Variants in UNC93A observed in about 807,000 individuals in gnomAD.
UNC93A encodes N-acetylglucosamine transporter UNC93A.
Under a neutral mutation model 47.5 loss-of-function variants are expected in UNC93A, and 43 were observed. The ratio of observed to expected loss-of-function variants is 0.91; its 90% CI spans 0.71 to 1.17. UNC93A has a LOEUF of 1.17. UNC93A is among the 50% of genes most tolerant of loss of function. The probability of loss-of-function intolerance (pLI) is 0.00; values close to 1 mark genes in which losing one functional copy is unlikely to be tolerated. For synonymous variants in UNC93A, 280 were observed against 258.0 expected (o/e 1.09, Z -0.82); for missense variants, 605 against 577.6 (o/e 1.05, Z -0.49).
rs973184526 is a variant in UNC93A, at chr6:167,275,095, C to T, written c.-52+3637C>T. Among the ~76,000 whole-genome samples, 16 of 152,150 alleles carry T rather than the reference C, an allele frequency of 1.1e-4. 1 individual carries two copies. Among genetic ancestry groups the T allele is most frequent in the African/African-American group, 3.9e-4 (16 of 41,396 alleles). ...GGGGCCTCCTTCCATAGGAGCTGAC[C>T]GTGGCATCTGTGTTTTCAGGTGTCT... On this transcript the variant is annotated intron_variant, in intron 1 of 3. Coordinates refer to the UNC93A transcript ENST00000503433.
chr6:167,269,827 G>T (rs933554022), upstream of UNC93A, among the ~76,000 whole-genome samples: 10 of 152,128 alleles, frequency 6.6e-5, no homozygotes, highest in East Asian at 1.9e-3. Context: ...GTGTTGGCCA[G>T]GATGGTCTCT....
Position 167,274,791 on chromosome 6 carries a change from C to T in UNC93A, c.-52+3333C>T, listed in dbSNP as rs74888708. ...CTTCCATGCCCTGCACAGAGACTAG[C>T]GAGTAATGAAGTAATAATACAGAGT... On this transcript the variant is annotated intron_variant, in intron 1 of 3. Coordinates refer to the UNC93A transcript ENST00000503433. 2.4e-3 allele frequency among the ~76,000 whole-genome samples: 362 copies of T among 152,228 alleles called. 3 individuals are homozygous for T. Among genetic ancestry groups the T allele is most frequent in the African/African-American group, 8.2e-3 (341 of 41,508 alleles).
intron 1 of UNC93A, among the ~76,000 whole-genome samples, chr6:167,277,420 CT>C (rs1298322130): frequency 6.6e-6 from 1 of 152,188 alleles, no homozygotes; most frequent in African/African-American, 2.4e-5. Flanking sequence ...GGTGTCCTGG[CT>C]TTTGCTGCAG....
intron 2 of UNC93A, among the ~76,000 whole-genome samples, chr6:167,295,645 C>CTCCTCGCCTCCCTCGTGA (rs1554239164): frequency 0.032 from 1,583 of 49,760 alleles, 262 homozygotes; most frequent in Non-Finnish European, 0.047. Context: ...CTGCCTCGTG[C>CTCCTCGCCTCCCTCGTGA]TCCTCGCCTC....
intron 1 of UNC93A, among the ~76,000 whole-genome samples, chr6:167,285,758 C>A (rs956796917): frequency 1.3e-5 from 2 of 151,634 alleles, no homozygotes; most frequent in Non-Finnish European, 2.9e-5. Context: ...GCTTACCTTA[C>A]AGAGTTCTTT....
chr6:167,278,550 A>G (rs1405992835), intron 1 of UNC93A, among the ~76,000 whole-genome samples: 3 of 152,236 alleles, frequency 2.0e-5, no homozygotes, highest in Non-Finnish European at 4.4e-5. Context: ...TGATTATAAA[A>G]TCCATACAGT....
chr6:167,295,506 C>T (rs1480023307), intron 2 of UNC93A, among the ~76,000 whole-genome samples: 14 of 92,876 alleles, frequency 1.5e-4, no homozygotes, highest in East Asian at 8.5e-4. Context: ...TCGTGATCCT[C>T]GCCTGCCTCG....
intron 4 of UNC93A, among the ~76,000 whole-genome samples, chr6:167,299,904 C>T (rs986800257): frequency 2.0e-5 from 3 of 152,174 alleles, no homozygotes; most frequent in Non-Finnish European, 2.9e-5. Context: ...TCTTGACAGA[C>T]CCCATGCCAG....
At chr6:167,311,503 C>G (rs1168113876) in intron 7 of UNC93A, among the ~76,000 whole-genome samples, 3 of 152,242 alleles carry the variant, frequency 2.0e-5, no homozygotes, top group Non-Finnish European at 4.4e-5. Flanking sequence ...CGCCAATGCG[C>G]TGCCATGAAG....
At chr6:167,293,809 G>A (rs1409122653) in intron 1 of UNC93A, among the ~76,000 whole-genome samples, 3 of 152,142 alleles carry the variant, frequency 2.0e-5, no homozygotes, top group Non-Finnish European at 4.4e-5. Flanking sequence ...CACCCTTTCT[G>A]GCTGCAGGCC....
intron 4 of UNC93A, among the ~76,000 whole-genome samples, chr6:167,299,117 CAA>C (rs35271042): frequency 6.6e-5 from 6 of 90,532 alleles, no homozygotes; most frequent in Non-Finnish European, 6.7e-5. Context: ...GACTCCATCT[CAA>C]AAAAAAAAAA....
rs753909807 is a variant in UNC93A at position 167,303,978 on chromosome 6, C to T, written c.685C>T (p.Gln229Ter). Residue 229 changes from glutamine to a stop codon, truncating the protein, a stop_gained, in exon 5 of 8, where the codon CAG (glutamine) becomes TAG (stop). Coordinates refer to ENST00000230256, the MANE Select transcript of UNC93A (RefSeq NM_018974.4). LOFTEE classifies it high-confidence loss of function. ...AAFLQPIRDV[Q>*]RESEGEKKSV... is the part of the protein sequence containing the mutation. ...GTTCCTCCAACCCATACGAGATGTT[C>T]AGCGGGAAAGTGAAGGAGAGAAGAA... is the stretch of plus-strand genomic sequence containing the variant. 2.5e-6 allele frequency: 4 copies of T among 1,613,536 alleles called. No individual in the cohort carries two copies. Among genetic ancestry groups the T allele is most frequent in the Non-Finnish European group, 3.4e-6 (4 of 1,179,978 alleles).
intron 1 of UNC93A, 56 bp from the exon 2 acceptor site, chr6:167,294,461 G>T: frequency 6.3e-7 from 1 of 1,587,128 alleles, no homozygotes; most frequent in Non-Finnish European, 8.6e-7. Flanking sequence ...ACCTGCTGGT[G>T]CCTCATCCCG....
intron 4 of UNC93A, among the ~76,000 whole-genome samples, chr6:167,300,260 C>G (rs1266956853): frequency 6.6e-6 from 1 of 152,138 alleles, no homozygotes; most frequent in Non-Finnish European, 1.5e-5. Context: ...GGATGAGGCT[C>G]TTAGGGAGAA....
chr6:167,293,943 C>T (rs979746384), intron 1 of UNC93A, among the ~76,000 whole-genome samples: 8 of 152,202 alleles, frequency 5.3e-5, no homozygotes, highest in African/African-American at 1.9e-4. Context: ...GGGTTGTCTC[C>T]ACCAGTGGTG....
At chr6:167,292,147 C>T (rs913781872) in intron 1 of UNC93A, among the ~76,000 whole-genome samples, 4 of 152,174 alleles carry the variant, frequency 2.6e-5, no homozygotes, top group African/African-American at 9.7e-5. Flanking sequence ...TAGACATAGA[C>T]CTGACACATT....
chr6:167,280,826 T>C (rs1783619907), intron 1 of UNC93A, among the ~76,000 whole-genome samples: 1 of 152,010 alleles, frequency 6.6e-6, no homozygotes, highest in African/African-American at 2.4e-5. Flanking sequence ...AGGTAACCGG[T>C]TGGATCAAGG....
chr6:167,296,523 G>C (rs181800035), intron 3 of UNC93A, among the ~76,000 whole-genome samples: 2 of 152,252 alleles, frequency 1.3e-5, no homozygotes, highest in Non-Finnish European at 2.9e-5. Context: ...CCTTGGGAGA[G>C]GGCGCCATGG....
chr6:167,296,322 A>T, intron 3 of UNC93A, 61 bp downstream of exon 3: 1 of 1,560,020 alleles, frequency 6.4e-7, no homozygotes, highest in South Asian at 1.1e-5. Context: ...GTGATGGGGG[A>T]GAGGGTTCCT....
Sources: gnomAD v4.1 joint callset for allele counts (sites outside exome capture counted in the v4.1 genomes callset) on GRCh38, gnomAD v4.1.1 for gene constraint, MANE v1.5 for transcripts, NCBI Gene and HGNC (gene_info 2026-07-23, HGNC 2026-07-21) for gene names.